Variants in KIFAP3 observed in about 807,000 individuals in gnomAD.
The protein encoded by KIFAP3 is kinesin associated protein 3, also known as kinesin-associated protein 3.
A neutral mutation model predicts 106.5 loss-of-function variants in KIFAP3; 68 were observed. That is an observed-to-expected ratio of 0.64 (90% CI 0.53 to 0.78). The LOEUF (loss-of-function observed/expected upper bound fraction) is 0.78, where lower values mean the gene tolerates loss of function less well. Among genes scored for constraint, KIFAP3 ranks in the 30% least tolerant of loss-of-function variants. KIFAP3 has a pLI of 0.00. For missense variants in KIFAP3, 780 were observed against 941.8 expected, an observed-to-expected ratio of 0.83 and a Z score of 2.25; for synonymous variants, 320 against 311.5, an observed-to-expected ratio of 1.03 and a Z score of -0.29.
At chr1:169,952,519 C>G (rs1664781426) in intron 19 of KIFAP3, among the ~76,000 whole-genome samples, 2 of 151,814 alleles carry the variant, frequency 1.3e-5, no homozygotes, top group African/African-American at 4.8e-5. Flanking sequence ...GCATTAAGTT[C>G]AAATATGAAA....
chr1:170,004,142 T>G (rs1472545386), intron 10 of KIFAP3, among the ~76,000 whole-genome samples: 2 of 151,790 alleles, frequency 1.3e-5, no homozygotes, highest in African/African-American at 4.8e-5. Flanking sequence ...AGGAATGCAA[T>G]TTACAAGGGA....
At chr1:170,049,292 G>A (rs1428051428) in intron 2 of KIFAP3, among the ~76,000 whole-genome samples, 2 of 152,164 alleles carry the variant, frequency 1.3e-5, no homozygotes, top group East Asian at 3.9e-4. Flanking sequence ...CACTGGGCAG[G>A]GCATCTAAGA....
At chr1:170,059,771 A>G (rs1671039323) in intron 1 of KIFAP3, among the ~76,000 whole-genome samples, 1 of 152,344 alleles carries the variant, frequency 6.6e-6, no homozygotes, top group South Asian at 2.1e-4. Context: ...TCCTCAATAA[A>G]ATACTGGCAA....
At chr1:170,035,581 G>T in intron 5 of KIFAP3, 28 bp from the exon 6 acceptor site, 2 of 1,396,870 alleles carry the variant, frequency 1.4e-6, no homozygotes, top group South Asian at 1.3e-5. Context: ...GTACCGAAAC[G>T]ATCATTCTCC....
chr1:169,986,827 T>A (rs551965100), intron 11 of KIFAP3, among the ~76,000 whole-genome samples: 1 of 152,028 alleles, frequency 6.6e-6, no homozygotes, highest in Non-Finnish European at 1.5e-5. Flanking sequence ...CTTTGTAGTA[T>A]GAAAATTAGC....
At chr1:170,072,245 C>T (rs540245621) in intron 1 of KIFAP3, among the ~76,000 whole-genome samples, 17 of 152,182 alleles carry the variant, frequency 1.1e-4, no homozygotes, top group Non-Finnish European at 2.1e-4. Flanking sequence ...CTTATTCTGA[C>T]TTTACTTAAT....
intron 15 of KIFAP3, 38 bp downstream of exon 15, chr1:169,981,934 T>A (rs1175854684): frequency 6.6e-7 from 1 of 1,510,440 alleles, no homozygotes; most frequent in Non-Finnish European, 9.1e-7. Context: ...CAATAAGCTG[T>A]TTAGACATTA....
In KIFAP3 at chr1:169,978,149, TA is replaced by T; in HGVS notation, c.1832del (p.Ile611LysfsTer18). ...AAACCATCTGGTAGAAGACATAAAT[TA>T]TCTGACACACAAATTCATCATCTTC... ...QQEDDEFVCQ[I>X]IYVFYQMVFH... On this transcript the variant is annotated frameshift_variant, in exon 16 of 20. Coordinates refer to ENST00000361580, the MANE Select transcript of KIFAP3 (RefSeq NM_014970.4). LOFTEE classifies it high-confidence loss of function. 2.5e-6 allele frequency: 4 copies of T among 1,612,448 alleles called. No homozygotes were observed. Among genetic ancestry groups the T allele is most frequent in the Non-Finnish European group, 3.4e-6 (4 of 1,178,904 alleles).
intron 10 of KIFAP3, among the ~76,000 whole-genome samples, chr1:169,999,569 GA>G (rs36054309): frequency 2.0e-5 from 3 of 151,748 alleles, no homozygotes; most frequent in Non-Finnish European, 4.4e-5. Flanking sequence ...GGGCAGGGTA[GA>G]AAAAAAATGG....
chr1:170,041,807 T>C, intron 3 of KIFAP3: 2 of 1,511,796 alleles, frequency 1.3e-6, no homozygotes, highest in Non-Finnish European at 1.8e-6. Flanking sequence ...AAGGTCGTGT[T>C]CCCTCTTCAG....
chr1:170,051,050 T>G (rs182804040), intron 2 of KIFAP3, among the ~76,000 whole-genome samples: 1 of 151,494 alleles, frequency 6.6e-6, no homozygotes, highest in Non-Finnish European at 1.5e-5. Flanking sequence ...GACTGGCAAA[T>G]TGGATAAAGA....
intron 1 of KIFAP3, chr1:170,067,377 A>C (rs772090577): frequency 2.0e-5 from 3 of 152,264 alleles, no homozygotes; most frequent in Admixed American, 1.3e-4. Context: ...GGCAAAAAAA[A>C]CCTATCACAA....
At chr1:170,013,996 CA>C (rs776334146) in intron 10 of KIFAP3, among the ~76,000 whole-genome samples, 4 of 152,106 alleles carry the variant, frequency 2.6e-5, no homozygotes, top group Non-Finnish European at 5.9e-5. Context: ...CACCCACATC[CA>C]AACAGTAACT....
At chr1:169,992,524 C>A (rs1558226902) in intron 10 of KIFAP3, among the ~76,000 whole-genome samples, 2 of 152,084 alleles carry the variant, frequency 1.3e-5, no homozygotes, top group East Asian at 1.9e-4. Context: ...TAATTATTTT[C>A]ATGAGTCCAA....
At chr1:170,059,361 A>C (rs1671013359) in intron 1 of KIFAP3, among the ~76,000 whole-genome samples, 1 of 152,242 alleles carries the variant, frequency 6.6e-6, no homozygotes, top group Non-Finnish European at 1.5e-5. Flanking sequence ...ACAAACTATC[A>C]TCAGAGAATA....
chr1:169,947,835 G>A lies in KIFAP3; in HGVS notation c.2273+6176C>T, dbSNP rs575268630. Among the ~76,000 whole-genome samples, 39 of 151,386 alleles carry A rather than the reference G, an allele frequency of 2.6e-4. No individual in the cohort carries two copies. The South Asian group carries it at 8.1e-3, about 32-fold the overall frequency. On this transcript the variant is annotated intron_variant, in intron 19 of 19. Coordinates refer to ENST00000361580, the MANE Select transcript of KIFAP3 (RefSeq NM_014970.4). ...AAGAGGAAAATTAAAAGTTCACTGT[G>A]GTAAATCATTTAAAAAGTGAAGAAG...
chr1:170,030,568 T>G (rs535654619), intron 8 of KIFAP3, among the ~76,000 whole-genome samples: 1 of 151,840 alleles, frequency 6.6e-6, no homozygotes, highest in East Asian at 1.9e-4. Context: ...ACTGGAAATA[T>G]TCTAATGATC....
At chr1:169,976,810 A>T (rs549872291) in intron 16 of KIFAP3, among the ~76,000 whole-genome samples, 2 of 152,260 alleles carry the variant, frequency 1.3e-5, no homozygotes, top group South Asian at 4.1e-4. Flanking sequence ...TTGACCTCTC[A>T]GGTTCATGTG....
intron 19 of KIFAP3, among the ~76,000 whole-genome samples, chr1:169,937,719 A>G (rs1663886588): frequency 6.6e-6 from 1 of 151,856 alleles, no homozygotes; most frequent in Non-Finnish European, 1.5e-5. Context: ...CAACTTTAAG[A>G]TCCTCTAAAG....
Sources: allele counts gnomAD v4.1 joint callset (sites outside exome capture counted in the v4.1 genomes callset), GRCh38; gene constraint gnomAD v4.1.1; transcripts MANE v1.5; gene names NCBI Gene and HGNC (gene_info 2026-07-23, HGNC 2026-07-21).